Variants in PTPRN2 observed in about 807,000 individuals in gnomAD.
PTPRN2 encodes the protein protein tyrosine phosphatase receptor type N2.
In PTPRN2, 74 loss-of-function variants were observed where a neutral mutation model predicts 118.8. That is an observed-to-expected ratio of 0.62 (90% CI 0.52 to 0.76). The LOEUF is 0.76. PTPRN2 is among the 30% of genes least tolerant of loss of function. PTPRN2 has a pLI of 0.00. For missense variants in PTPRN2, 1,481 were observed against 1,394.4 expected, an observed-to-expected ratio of 1.06 and a Z score of -0.99; for synonymous variants, 641 against 608.0, an observed-to-expected ratio of 1.05 and a Z score of -0.80.
At chr7:158,013,519 T>A (rs564975363) in intron 11 of PTPRN2, among the ~76,000 whole-genome samples, 2 of 151,344 alleles carry the variant, frequency 1.3e-5, no homozygotes, top group African/African-American at 4.9e-5. Context: ...TGTTCATCCA[T>A]CCATCCCTCT....
intron 14 of PTPRN2, among the ~76,000 whole-genome samples, chr7:157,653,616 G>A (rs1360889387): frequency 6.6e-6 from 1 of 152,110 alleles, no homozygotes; most frequent in Non-Finnish European, 1.5e-5. Context: ...GTGAGTCTGT[G>A]CCTCTCTGCT....
intron 2 of PTPRN2, among the ~76,000 whole-genome samples, chr7:158,454,973 G>A (rs1818363601): frequency 6.6e-6 from 1 of 152,154 alleles, no homozygotes; most frequent in Admixed American, 6.5e-5. Flanking sequence ...GCAGCCCACA[G>A]GCATGGAGCA....
At chr7:158,172,092 C>T (rs538656700) in intron 5 of PTPRN2, among the ~76,000 whole-genome samples, 1 of 152,282 alleles carries the variant, frequency 6.6e-6, no homozygotes, top group South Asian at 2.1e-4. Flanking sequence ...CTTCAACCCA[C>T]TGCATTTCCA....
intron 12 of PTPRN2, among the ~76,000 whole-genome samples, chr7:157,728,924 C>T (rs375287010): frequency 4.3e-4 from 66 of 152,274 alleles, no homozygotes; most frequent in East Asian, 1.9e-3. Context: ...ATCAGCTCTC[C>T]TCATAAATGT....
intron 14 of PTPRN2, among the ~76,000 whole-genome samples, chr7:157,639,759 C>G (rs1208153107): frequency 1.3e-5 from 2 of 152,242 alleles, no homozygotes; most frequent in Admixed American, 6.5e-5. Context: ...CCGAGCCCCC[C>G]ACATAACACA....
chr7:158,131,789 TAC>T, intron 9 of PTPRN2, among the ~76,000 whole-genome samples: 1 of 131,646 alleles, frequency 7.6e-6, no homozygotes, highest in East Asian at 2.4e-4. Context: ...CTACCCGACA[TAC>T]ACACTCATAC....
chr7:158,509,043 C>T lies in PTPRN2; in HGVS notation c.113-19258G>A, dbSNP rs1331485230. Among the ~76,000 whole-genome samples, 2 of 151,452 alleles carry T rather than the reference C, an allele frequency of 1.3e-5. No homozygotes were observed. The highest frequency in any genetic ancestry group is 2.9e-5 in the Non-Finnish European group (2 of 67,920). ...ATCTCTTCAGAGGTGGAAGCTGATG[C>T]GGGTGGAGGTGGGTGGTTTCTAAAG... On this transcript the variant is annotated intron_variant, in intron 1 of 22. Transcript: ENST00000389418. The surrounding 1 kb of genome is among the most constrained non-coding windows in gnomAD (Gnocchi z 4.4).
chr7:158,072,234 A>G (rs1811998665), intron 11 of PTPRN2, among the ~76,000 whole-genome samples: 2 of 152,144 alleles, frequency 1.3e-5, no homozygotes, highest in South Asian at 4.1e-4. Flanking sequence ...TAATGCAAAT[A>G]CGTAGAATGC....
At chr7:158,179,252 ATTAGTGATGTTGAGCATTT>A (rs1303275065) in intron 5 of PTPRN2, among the ~76,000 whole-genome samples, 3 of 152,102 alleles carry the variant, frequency 2.0e-5, no homozygotes, top group Non-Finnish European at 4.4e-5. Flanking sequence ...TTCCTTGATG[ATTAGTGATGTTGAGCATTT>A]TTTTCATATG....
At chr7:158,273,437 CAG>C (rs1798653349) in intron 3 of PTPRN2, among the ~76,000 whole-genome samples, 1 of 113,736 alleles carries the variant, frequency 8.8e-6, no homozygotes, top group Non-Finnish European at 1.9e-5. Flanking sequence ...GAGCCGCAGA[CAG>C]ACGCGGGAGG....
chr7:158,341,313 C>A (rs865880678), intron 2 of PTPRN2, among the ~76,000 whole-genome samples: 23 of 151,970 alleles, frequency 1.5e-4, no homozygotes, highest in African/African-American at 5.1e-4. Context: ...ACGTCACTCA[C>A]ACCCACACAC....
intron 2 of PTPRN2, among the ~76,000 whole-genome samples, chr7:158,459,361 GGC>G: frequency 8.4e-6 from 1 of 119,274 alleles, no homozygotes; most frequent in Non-Finnish European, 1.8e-5. Context: ...AGAATCCAGA[GGC>G]CCCGCTTGGG....
Position 158,537,217 on chromosome 7 carries a change from G to T in PTPRN2, c.113-47432C>A, listed in dbSNP as rs187513239. ...ACATCCATTGTTTAAGCCCGAGGCT[G>T]CAGCATATTTGTTATAGCATCCTGA... is the stretch of plus-strand genomic sequence containing the variant. On this transcript the variant is annotated intron_variant, in intron 1 of 22. Transcript: ENST00000389418. Among the ~76,000 whole-genome samples the T allele has an allele frequency of 2.1e-5, 3 of 143,236 alleles. No individual in the cohort carries two copies. The South Asian group carries it at 6.8e-4, about 32-fold the overall frequency. 94.0% of individuals were successfully genotyped at this position (143,236 alleles called of 152,430 possible).
chr7:157,629,125 A>T lies in PTPRN2; in HGVS notation c.2197-7616T>A, dbSNP rs1339704262. On this transcript the variant is annotated intron_variant, in intron 14 of 22. Transcript: ENST00000389418. The surrounding 1 kb of genome is among the most constrained non-coding windows in gnomAD (Gnocchi z 4.4). ...AGCTGCCACCTCTGAGTACTGGGGTAGTGCATCTGGAGACTTGTAAAGGGT... is the reference window on the plus strand; with the variant it reads ...AGCTGCCACCTCTGAGTACTGGGGTTGTGCATCTGGAGACTTGTAAAGGGT... Among the ~76,000 whole-genome samples, 1 of 152,140 alleles carries T rather than the reference A, an allele frequency of 6.6e-6. No individual in the cohort carries two copies. Among genetic ancestry groups the T allele is most frequent in the Non-Finnish European group, 1.5e-5 (1 of 68,016 alleles).
intron 14 of PTPRN2, among the ~76,000 whole-genome samples, chr7:157,623,446 C>T (rs1166751375): frequency 6.6e-6 from 1 of 152,168 alleles, no homozygotes; most frequent in East Asian, 1.9e-4. Context: ...CCATCACAAA[C>T]AAATGGGCTT....
intron 2 of PTPRN2, among the ~76,000 whole-genome samples, chr7:158,386,558 TG>T (rs1442898211): frequency 2.0e-5 from 3 of 152,106 alleles, no homozygotes; most frequent in African/African-American, 7.2e-5. Flanking sequence ...TAGCTATGGA[TG>T]GGTGCAGGAG....
Position 158,480,876 on chromosome 7 carries a change from G to A in PTPRN2, c.163+8859C>T, listed in dbSNP as rs1820596877. The stretch of plus-strand genomic sequence containing the variant: ...CTCGCAGAGGTTGGTTCATGAGGTT[G>A]AAGGAAAGGAGTCATCTCCATAACA... On this transcript the variant is annotated intron_variant, in intron 2 of 22. Coordinates refer to ENST00000389418, the MANE Select transcript of PTPRN2 (RefSeq NM_002847.5). 1.3e-5 allele frequency among the ~76,000 whole-genome samples: 2 copies of A among 152,256 alleles called. 1 individual carries two copies. The highest frequency in any genetic ancestry group is 4.1e-4 in the South Asian group (2 of 4,838).
intron 10 of PTPRN2, among the ~76,000 whole-genome samples, chr7:158,107,539 G>A (rs1815784859): frequency 6.6e-6 from 1 of 152,122 alleles, no homozygotes; most frequent in Admixed American, 6.5e-5. Context: ...GTGAGCCACA[G>A]GGAAAACACT....
intron 11 of PTPRN2, among the ~76,000 whole-genome samples, chr7:157,995,688 C>T (rs371879184): frequency 7.9e-4 from 121 of 152,368 alleles, no homozygotes; most frequent in African/African-American, 2.8e-3. Context: ...TGCTTTGCCT[C>T]AGCGTCCACA....
Sources: allele counts gnomAD v4.1 joint callset (sites outside exome capture counted in the v4.1 genomes callset), GRCh38; gene constraint gnomAD v4.1.1; non-coding constraint Gnocchi (gnomAD v3.1); transcripts MANE v1.5; gene names NCBI Gene and HGNC (gene_info 2026-07-23, HGNC 2026-07-21).